Variants in MAF observed in about 807,000 individuals in gnomAD.
MAF encodes MAF bZIP transcription factor.
MAF carries 10 observed loss-of-function variants against 22.0 expected under a neutral mutation model. The observed-to-expected ratio is 0.45, with a 90% CI of 0.28 to 0.77. The LOEUF (loss-of-function observed/expected upper bound fraction) is 0.77, where lower values mean the gene tolerates loss of function less well. Ranked by LOEUF, MAF falls within the 30% of genes least tolerant of loss-of-function variation. The pLI is 0.12. For missense variants in MAF, 544 were observed against 548.4 expected (o/e 0.99, Z 0.08); for synonymous variants, 337 against 255.8 (o/e 1.32, Z -3.03).
the MAF span, among the ~76,000 whole-genome samples, chr16:79,417,447 C>T: frequency 6.6e-6 from 1 of 152,218 alleles, no homozygotes; most frequent in Non-Finnish European, 1.5e-5. Flanking sequence ...CTCTCCCAGC[C>T]GGTTTCCAAG....
At chr16:79,389,786 C>T in the MAF span, among the ~76,000 whole-genome samples, 1 of 151,358 alleles carries the variant, frequency 6.6e-6, no homozygotes, top group Non-Finnish European at 1.5e-5. Flanking sequence ...ACCATGCTGG[C>T]TAACATGGTG....
At chr16:79,505,252 G>C in the MAF span, among the ~76,000 whole-genome samples, 2 of 152,158 alleles carry the variant, frequency 1.3e-5, no homozygotes, top group African/African-American at 4.8e-5. Flanking sequence ...AATTCAAAAT[G>C]TAATCTGGAA....
At chr16:79,286,459 A>T in the MAF span, among the ~76,000 whole-genome samples, 3 of 152,252 alleles carry the variant, frequency 2.0e-5, no homozygotes, top group African/African-American at 7.2e-5. Flanking sequence ...CCAACTACTT[A>T]GTGGGTTCTT....
chr16:79,273,552 G>C, the MAF span, among the ~76,000 whole-genome samples: 1 of 152,176 alleles, frequency 6.6e-6, no homozygotes, highest in Non-Finnish European at 1.5e-5. Flanking sequence ...TGGAGGCTGT[G>C]GGGGAGAATC....
At chr16:79,244,449 G>A in the MAF span, among the ~76,000 whole-genome samples, 1 of 152,020 alleles carries the variant, frequency 6.6e-6, no homozygotes, top group Non-Finnish European at 1.5e-5. Context: ...CAAATCATTA[G>A]TGAACTCCCA....
At chr16:79,567,555 GTCTGTTTGTATATTTTTCCTGTCCTGA>G in the MAF span, among the ~76,000 whole-genome samples, 26 of 151,832 alleles carry the variant, frequency 1.7e-4, no homozygotes, top group Non-Finnish European at 2.5e-4. Flanking sequence ...AACTAGTTTT[GTCTGTTTGTATATTTTTCCTGTCCTGA>G]TCTGGGTCAA....
At chr16:79,469,892 G>A in the MAF span, among the ~76,000 whole-genome samples, 3 of 152,182 alleles carry the variant, frequency 2.0e-5, no homozygotes, top group Admixed American at 6.5e-5. Context: ...ACCGCGCCTG[G>A]CCTACAGGGT....
the MAF span, among the ~76,000 whole-genome samples, chr16:79,361,668 C>G: frequency 6.6e-6 from 1 of 152,038 alleles, no homozygotes; most frequent in Non-Finnish European, 1.5e-5. Context: ...ATTACGTCTG[C>G]ACGAAAGATT....
At chr16:79,348,237 G>A in the MAF span, among the ~76,000 whole-genome samples, 2 of 152,226 alleles carry the variant, frequency 1.3e-5, no homozygotes, top group African/African-American at 4.8e-5. Context: ...GAGCCTTGAA[G>A]CTCAGTAATG....
At chr16:79,486,191 T>C in the MAF span, among the ~76,000 whole-genome samples, 1 of 152,182 alleles carries the variant, frequency 6.6e-6, no homozygotes, top group Non-Finnish European at 1.5e-5. Flanking sequence ...CTCCCTTGAT[T>C]GTTAGAGGCA....
chr16:79,224,981 C>T, the MAF span, among the ~76,000 whole-genome samples: 4 of 152,120 alleles, frequency 2.6e-5, no homozygotes, highest in Admixed American at 1.3e-4. Context: ...CAAGCTACCA[C>T]TGACTTTCTT....
the MAF span, among the ~76,000 whole-genome samples, chr16:79,221,807 A>T: frequency 1.3e-5 from 2 of 151,356 alleles, no homozygotes; most frequent in Non-Finnish European, 3.0e-5. Context: ...TCAGAATTCA[A>T]AAACCGCATG....
chr16:79,313,143 C>T, the MAF span, among the ~76,000 whole-genome samples: 116,746 of 152,076 alleles, frequency 0.77, 46,125 homozygotes, highest in Non-Finnish European at 0.86. Flanking sequence ...CCACGAAGAT[C>T]GAATGCCATG....
the MAF span, among the ~76,000 whole-genome samples, chr16:79,311,146 GCT>G: frequency 6.6e-6 from 1 of 151,800 alleles, no homozygotes; most frequent in African/African-American, 2.4e-5. Flanking sequence ...CCTTCGCCAG[GCT>G]CTCTCCCTCC....
At chr16:79,212,333 C>T in the MAF span, 1 of 725,738 alleles carries the variant, frequency 1.4e-6, no homozygotes, top group Non-Finnish European at 2.2e-6. Flanking sequence ...CTTGTCCCAG[C>T]CAGTGAGGAT....
At chr16:79,348,868 T>A in the MAF span, among the ~76,000 whole-genome samples, 1 of 152,352 alleles carries the variant, frequency 6.6e-6, no homozygotes, top group East Asian at 1.9e-4. Flanking sequence ...GGCAAGGTCC[T>A]GTCTCATGAG....
At chr16:79,473,329 A>G in the MAF span, among the ~76,000 whole-genome samples, 1 of 152,196 alleles carries the variant, frequency 6.6e-6, no homozygotes, top group African/African-American at 2.4e-5. Context: ...CAGGCATTTA[A>G]TATAACAATG....
the MAF span, chr16:79,202,755 G>A: frequency 6.6e-6 from 1 of 152,174 alleles, no homozygotes; most frequent in African/African-American, 2.4e-5. Flanking sequence ...ATAGCAGCAT[G>A]CATAGCTTGT....
the MAF span, among the ~76,000 whole-genome samples, chr16:79,446,306 G>C: frequency 6.6e-6 from 1 of 152,096 alleles, no homozygotes; most frequent in African/African-American, 2.4e-5. Context: ...ATGTGTTTTT[G>C]AACAGTCGCT....
Sources: gnomAD v4.1 joint callset for allele counts (sites outside exome capture counted in the v4.1 genomes callset) on GRCh38, gnomAD v4.1.1 for gene constraint, MANE v1.5 for transcripts, NCBI Gene and HGNC (gene_info 2026-07-23, HGNC 2026-07-21) for gene names.